AGPAT3: variants seen among roughly 807,000 people sequenced by gnomAD.
AGPAT3 encodes the protein 1-acylglycerol-3-phosphate O-acyltransferase 3.
In AGPAT3, 5 loss-of-function variants were observed where a neutral mutation model predicts 47.3. The ratio of observed to expected loss-of-function variants is 0.11; its 90% confidence interval spans 0.06 to 0.22. The LOEUF is 0.22. AGPAT3 is among the 10% of genes least tolerant of loss of function. The probability of loss-of-function intolerance (pLI) is 1.00; values close to 1 mark genes in which losing one functional copy is unlikely to be tolerated. For missense variants in AGPAT3, 315 were observed against 493.0 expected (o/e 0.64, Z 3.42); for synonymous variants, 212 against 208.3 (o/e 1.02, Z -0.15).
At chr21:43,953,862 A>C (rs2088317979) in intron 2 of AGPAT3, among the ~76,000 whole-genome samples, 1 of 152,220 alleles carries the variant, frequency 6.6e-6, no homozygotes, top group Non-Finnish European at 1.5e-5. Flanking sequence ...GGCTGGTTGC[A>C]GTGGCTCATG....
Position 43,930,900 on chromosome 21 carries a change from A to G in AGPAT3, c.-49+26881A>G, listed in dbSNP as rs979468894. Among the ~76,000 whole-genome samples, 1 of 152,076 alleles carries G rather than the reference A, an allele frequency of 6.6e-6. No homozygotes were observed. Among genetic ancestry groups the G allele is most frequent in the Non-Finnish European group, 1.5e-5 (1 of 68,012 alleles). ...CGGGCGGGCGCCACTTCCTTCCTGC[A>G]TGTTCCTGTTCCGCATTACAGATTG... On this transcript the variant is annotated intron_variant, in intron 2 of 9. Coordinates refer to ENST00000291572, the MANE Select transcript of AGPAT3 (RefSeq NM_020132.5). This position sits in a 1 kb window ranked among gnomAD's most constrained non-coding sequence, Gnocchi z 5.0.
At chr21:43,881,641 G>A (rs568926491) in intron 1 of AGPAT3, among the ~76,000 whole-genome samples, 2 of 152,242 alleles carry the variant, frequency 1.3e-5, no homozygotes, top group African/African-American at 4.8e-5. Flanking sequence ...GGATATACTG[G>A]GTTAAATAAA....
chr21:43,934,821 C>T lies in AGPAT3; in HGVS notation c.-48-24813C>T, dbSNP rs1286761139. ...GCCACCCATGCCACCCACACCACCT[C>T]TACCCCTCACGTCACCGACGCCACT... On this transcript the variant is annotated intron_variant, in intron 2 of 9. Transcript: ENST00000291572. This position sits in a 1 kb window ranked among gnomAD's most constrained non-coding sequence, Gnocchi z 4.7. 6.6e-6 allele frequency among the ~76,000 whole-genome samples: 1 copy of T among 150,762 alleles called. No individual in the cohort carries two copies. The highest frequency in any genetic ancestry group is 1.5e-5 in the Non-Finnish European group (1 of 67,656).
At chr21:43,883,278 C>T (rs1364852706) in intron 1 of AGPAT3, among the ~76,000 whole-genome samples, 2 of 152,318 alleles carry the variant, frequency 1.3e-5, no homozygotes, top group East Asian at 3.9e-4. Flanking sequence ...GCCAGAGGAG[C>T]CCAGAGTCCA....
chr21:43,981,496 G>A lies in AGPAT3; in HGVS notation c.1042+309G>A, dbSNP rs1472286763. The A allele has an allele frequency of 1.6e-5, 7 of 451,550 alleles. No homozygotes were observed. The East Asian group carries it at 3.0e-4, about 20-fold the overall frequency. 28.0% of individuals were successfully genotyped at this position (451,550 alleles called of 1,614,324 possible). The stretch of plus-strand genomic sequence containing the variant: ...GAGAGGGTCCCCAGCCCCCCTGTCT[G>A]CTTTTGGGCTCTTAGGGGTCAGGCT... On this transcript the variant is annotated intron_variant, in intron 9 of 9. Coordinates refer to ENST00000291572, the MANE Select transcript of AGPAT3 (RefSeq NM_020132.5). This position sits in a 1 kb window ranked among gnomAD's most constrained non-coding sequence, Gnocchi z 5.3.
chr21:43,981,007 T>C lies in AGPAT3; in HGVS notation c.862T>C (p.Tyr288His). 1.2e-6 allele frequency: 2 copies of C among 1,614,166 alleles called. No homozygotes were observed. The highest frequency in any genetic ancestry group is 2.2e-5 in the East Asian group (1 of 44,876). The change falls in exon 9 of 10, where the codon TAT becomes CAT. Residue 288 changes from tyrosine (Y) to histidine (H), a missense_variant. Physicochemically the swap from Tyr to His is moderately conservative, Grantham distance 83. Coordinates refer to ENST00000291572, the MANE Select transcript of AGPAT3 (RefSeq NM_020132.5). The surrounding 1 kb of genome is among the most constrained non-coding windows in gnomAD (Gnocchi z 5.3). ...CTTCTAGGACGCGCTCCAGGAGATA[T>C]ATAATCAGAAGGGCATGTTTCCAGG... ...YQEKDALQEI[Y>H]NQKGMFPGEQ... is the part of the protein sequence containing the mutation.
intron 1 of AGPAT3, among the ~76,000 whole-genome samples, chr21:43,865,691 G>A (rs2085488543): frequency 1.3e-5 from 2 of 151,258 alleles, no homozygotes; most frequent in Admixed American, 1.3e-4. Flanking sequence ...GCCCGGGAGG[G>A]GCCCGGGCCG....
rs149980224 is a variant in AGPAT3, at chr21:43,879,504, C to T, written c.-112+14159C>T. 3.9e-3 allele frequency among the ~76,000 whole-genome samples: 587 copies of T among 152,050 alleles called. 1 individual carries two copies. The highest frequency in any genetic ancestry group is 6.2e-3 in the Non-Finnish European group (422 of 67,974). ...TGTCTGGCTGTGCTGGAGGAGGAGTCTGGTCTTTCTCGGTGGGAAGTGCTG... is the reference window on the plus strand; with the variant it reads ...TGTCTGGCTGTGCTGGAGGAGGAGTTTGGTCTTTCTCGGTGGGAAGTGCTG... On this transcript the variant is annotated intron_variant, in intron 1 of 9. Transcript: ENST00000291572.
chr21:43,876,052 TG>T (rs948318165), intron 1 of AGPAT3, among the ~76,000 whole-genome samples: 4 of 152,148 alleles, frequency 2.6e-5, no homozygotes, highest in African/African-American at 9.7e-5. Flanking sequence ...GCCTCCCAAG[TG>T]CTGGGATTAC....
intron 3 of AGPAT3, among the ~76,000 whole-genome samples, chr21:43,961,823 A>G (rs573979999): frequency 6.6e-6 from 1 of 152,064 alleles, no homozygotes; most frequent in South Asian, 2.1e-4. Context: ...CTGGCCTGTA[A>G]CCTTGTCTGC....
chr21:43,968,213 G>T, intron 4 of AGPAT3, 98 bp downstream of exon 4: 1 of 1,292,350 alleles, frequency 7.7e-7, no homozygotes, highest in Non-Finnish European at 1.0e-6. Context: ...TGAGCAGGGG[G>T]TCCCTGCAGG....
chr21:43,980,835 G>A (rs535970157), intron 8 of AGPAT3, among the ~76,000 whole-genome samples, 154 bp from the exon 9 acceptor site: 1 of 152,282 alleles, frequency 6.6e-6, no homozygotes, highest in East Asian at 1.9e-4. Flanking sequence ...AGCCAGCTTC[G>A]CCTGCACCTG....
At chr21:43,865,848 G>T (rs1162108384) in intron 1 of AGPAT3, among the ~76,000 whole-genome samples, 4 of 152,006 alleles carry the variant, frequency 2.6e-5, no homozygotes, top group Non-Finnish European at 5.9e-5. Context: ...CCCCCCAGGG[G>T]CCTCCTCCTC....
rs2089840252 is a variant in AGPAT3, at chr21:43,981,275, G to C, written c.1042+88G>C. On this transcript the variant is annotated intron_variant, in intron 9 of 9. Transcript: ENST00000291572. The surrounding 1 kb of genome is among the most constrained non-coding windows in gnomAD (Gnocchi z 5.3). ...CCGGGACCTGGTGACTCATCACAGT[G>C]GCTGTGGGAGGCAGGGGCCTGGCTG... 7.1e-7 allele frequency: 1 copy of C among 1,406,660 alleles called. No homozygotes were observed. The highest frequency in any genetic ancestry group is 1.8e-5 in the Admixed American group (1 of 56,332). The allele number at this position is 1,406,660 out of a possible 1,614,324, so 87.1% of individuals were successfully genotyped here. A position where few individuals can be genotyped will look rare whatever the true frequency, so the allele number is the denominator to read the frequency against.
chr21:43,890,013 A>C (rs1014834599), intron 1 of AGPAT3, among the ~76,000 whole-genome samples: 1 of 148,646 alleles, frequency 6.7e-6, no homozygotes, highest in African/African-American at 2.4e-5. Context: ...TGTGTCCCTA[A>C]AATATGACAT....
intron 2 of AGPAT3, among the ~76,000 whole-genome samples, chr21:43,945,503 C>T (rs2087846378): frequency 6.6e-6 from 1 of 152,178 alleles, no homozygotes; most frequent in Non-Finnish European, 1.5e-5. Flanking sequence ...GGACAGGGCG[C>T]CGTAATGGTA....
At position 43,877,449 on chromosome 21, in the gene AGPAT3, C is replaced by CT. The variant is rs377151403; in HGVS notation, c.-112+12114dup. Among the ~76,000 whole-genome samples the CT allele has an allele frequency of 4.2e-4, 63 of 150,066 alleles. 1 individual carries two copies. Among genetic ancestry groups the CT allele is most frequent in the African/African-American group, 1.1e-3 (47 of 40,982 alleles). On this transcript the variant is annotated intron_variant, in intron 1 of 9. Coordinates refer to ENST00000291572, the MANE Select transcript of AGPAT3 (RefSeq NM_020132.5). ...AGGAAGCACCTGAAATGGTGCTATT[C>CT]TTTTTTTTTTCTTTTTGAGATTCAC...
Position 43,981,348 on chromosome 21 carries a change from G to A in AGPAT3, c.1042+161G>A, listed in dbSNP as rs2089843959. The stretch of plus-strand genomic sequence containing the variant: ...CCCCCCACGGCCTGCGGGCCTCAGA[G>A]CCTGGATTCTTGCACTGAGCTGAGG... On this transcript the variant is annotated intron_variant, in intron 9 of 9. Coordinates refer to ENST00000291572, the MANE Select transcript of AGPAT3 (RefSeq NM_020132.5). The surrounding 1 kb of genome is among the most constrained non-coding windows in gnomAD (Gnocchi z 5.3). 1.3e-6 allele frequency: 1 copy of A among 786,008 alleles called. No individual in the cohort carries two copies. The highest frequency in any genetic ancestry group is 2.0e-6 in the Non-Finnish European group (1 of 490,708). 48.7% of individuals were successfully genotyped at this position (786,008 alleles called of 1,614,324 possible).
chr21:43,969,101 C>T lies in AGPAT3; in HGVS notation c.349-17C>T, dbSNP rs780974958. The stretch of plus-strand genomic sequence containing the variant: ...CGACGCTGAAGTGCCAGGTGCCCCT[C>T]CTTCTCCTCCCTCCAGAGCTCCAAG... On this transcript the variant is annotated splice_polypyrimidine_tract_variant and intron_variant, in intron 4 of 9. Coordinates refer to ENST00000291572, the MANE Select transcript of AGPAT3 (RefSeq NM_020132.5). 29 of 1,613,470 alleles carry T rather than the reference C, an allele frequency of 1.8e-5. No individual in the cohort carries two copies. The highest frequency in any genetic ancestry group is 1.4e-5 in the Non-Finnish European group (16 of 1,179,636).
Sources: gnomAD v4.1 joint callset for allele counts (sites outside exome capture counted in the v4.1 genomes callset) on GRCh38, gnomAD v4.1.1 for gene constraint, Gnocchi (gnomAD v3.1) non-coding constraint, MANE v1.5 for transcripts, NCBI Gene and HGNC (gene_info 2026-07-23, HGNC 2026-07-21) for gene names.